WTIP: variants seen among roughly 807,000 people sequenced by gnomAD.
The protein encoded by WTIP is Wilms tumor protein 1-interacting protein.
Under a neutral mutation model 41.7 loss-of-function variants are expected in WTIP, and 23 were observed. The observed-to-expected ratio is 0.55, with a 90% CI of 0.40 to 0.78. The LOEUF (loss-of-function observed/expected upper bound fraction) is 0.78, where lower values mean the gene tolerates loss of function less well. WTIP is among the 30% of genes least tolerant of loss of function. WTIP has a pLI of 0.00. For missense variants in WTIP, 619 were observed against 610.5 expected (o/e 1.01, Z -0.15); for synonymous variants, 314 against 269.9 (o/e 1.16, Z -1.60).
At position 34,502,205 on chromosome 19, in the gene WTIP, C is replaced by T. The variant is rs1055342559; in HGVS notation, c.*1936C>T. On this transcript the variant is annotated 3_prime_UTR_variant, in exon 8 of 8. Transcript: ENST00000590071. ...CTGACCTCAGGGGCGATCCACCCAC[C>T]TCAGCCTCCCAAAGTGCTGGGATTA... The T allele has an allele frequency of 2.7e-5, 4 of 150,746 alleles. No homozygotes were observed. Among genetic ancestry groups the T allele is most frequent in the Non-Finnish European group, 4.4e-5 (3 of 68,030 alleles). The allele number at this position is 150,746 out of a possible 1,614,324, so 9.3% of individuals were successfully genotyped here.
chr19:34,485,907 CT>C (rs2075794711), intron 1 of WTIP, among the ~76,000 whole-genome samples: 1 of 152,076 alleles, frequency 6.6e-6, no homozygotes, highest in East Asian at 1.9e-4. Context: ...CTTTTTTTCT[CT>C]CTGTCCAACC....
At position 34,509,683 on chromosome 19, in the gene WTIP, T is replaced by C. The variant is rs975978031; in HGVS notation, c.*9414T>C. The C allele has an allele frequency of 4.6e-5, 7 of 152,190 alleles. No homozygotes were observed. The highest frequency in any genetic ancestry group is 1.0e-4 in the Non-Finnish European group (7 of 68,032). 9.4% of individuals were successfully genotyped at this position (152,190 alleles called of 1,614,324 possible). ...CCCAAATCCAGAGTCCAAAGTCTAA[T>C]CTGAGACAAGGCAAGGCCCTTCCAC... On this transcript the variant is annotated 3_prime_UTR_variant, in exon 8 of 8. Transcript: ENST00000590071.
chr19:34,486,371 T>G lies in WTIP; in HGVS notation c.667+3730T>G, dbSNP rs868357067. Among the ~76,000 whole-genome samples the G allele has an allele frequency of 1.3e-5, 2 of 150,930 alleles. 1 individual carries two copies. Among genetic ancestry groups the G allele is most frequent in the South Asian group, 4.2e-4 (2 of 4,786 alleles). On this transcript the variant is annotated intron_variant, in intron 1 of 7. Coordinates refer to ENST00000590071, the MANE Select transcript of WTIP (RefSeq NM_001080436.2). ...CACCCTAAGCCTTTGTCAGTTTGTT[T>G]TTTTTTTTTTTTTGAGACAGAGTTT...
chr19:34,487,482 G>A (rs900970147), intron 1 of WTIP, among the ~76,000 whole-genome samples: 1 of 152,110 alleles, frequency 6.6e-6, no homozygotes, highest in Non-Finnish European at 1.5e-5. Context: ...GGGCAGAGCA[G>A]GGGGTACCCA....
rs764706839 is a variant in WTIP, at chr19:34,510,659, T to C, written c.*10390T>C. On this transcript the variant is annotated 3_prime_UTR_variant, in exon 8 of 8. Coordinates refer to ENST00000590071, the MANE Select transcript of WTIP (RefSeq NM_001080436.2). ...TTTACTGCATCGTCAGGCTGCAAAT[T>C]TTCCAATTTTTTATGCTCTGTTTCC... 1.3e-5 allele frequency: 2 copies of C among 152,230 alleles called. No homozygotes were observed. The highest frequency in any genetic ancestry group is 2.9e-5 in the Non-Finnish European group (2 of 68,038). The allele number at this position is 152,230 out of a possible 1,614,324, so 9.4% of individuals were successfully genotyped here.
rs1226195572 is a variant in WTIP, at chr19:34,493,922, C to T, written c.1031+300C>T. On this transcript the variant is annotated intron_variant, in intron 5 of 7. Coordinates refer to ENST00000590071, the MANE Select transcript of WTIP (RefSeq NM_001080436.2). This position sits in a 1 kb window ranked among gnomAD's most constrained non-coding sequence, Gnocchi z 4.1. ...CACCATCTTTCCCCCTCCTCCCCTC[C>T]ATCCCCTGCCAGGCCAGGCCTCTTT... is the stretch of plus-strand genomic sequence containing the variant. Among the ~76,000 whole-genome samples the T allele has an allele frequency of 6.6e-6, 1 of 152,188 alleles. No homozygotes were observed. The highest frequency in any genetic ancestry group is 1.9e-4 in the East Asian group (1 of 5,184).
At chr19:34,492,772 C>T (rs1463309094) in intron 2 of WTIP, among the ~76,000 whole-genome samples, 4 of 151,326 alleles carry the variant, frequency 2.6e-5, no homozygotes, top group Non-Finnish European at 4.4e-5. Flanking sequence ...TATTAACCAA[C>T]ACATGTATTT....
At chr19:34,482,917 C>T (rs536124342) in intron 1 of WTIP, among the ~76,000 whole-genome samples, 13 of 151,958 alleles carry the variant, frequency 8.6e-5, no homozygotes, top group Middle Eastern at 3.4e-3. Context: ...TGTGCGGTTC[C>T]TAACTTAACA....
At position 34,493,243 on chromosome 19, in the gene WTIP, G is replaced by A; in HGVS notation, c.838-20G>A. 1.9e-6 allele frequency: 3 copies of A among 1,613,624 alleles called. No individual in the cohort carries two copies. The highest frequency in any genetic ancestry group is 1.6e-4 in the Middle Eastern group (1 of 6,062). On this transcript the variant is annotated intron_variant, in intron 3 of 7. Transcript: ENST00000590071. The surrounding 1 kb of genome is among the most constrained non-coding windows in gnomAD (Gnocchi z 4.1). ...TGCCCCTTTGTCACACAATGTCCTG[G>A]ATCCTGTGTCCCCTCCCAGTACTCC...
In WTIP at chr19:34,482,181, G is replaced by A; in HGVS notation, c.207G>A (p.Gly69=). 9.1e-7 allele frequency: 1 copy of A among 1,097,446 alleles called. No individual in the cohort carries two copies. The highest frequency in any genetic ancestry group is 4.0e-4 in the Middle Eastern group (1 of 2,484). The allele number at this position is 1,097,446 out of a possible 1,614,324, so 68.0% of individuals were successfully genotyped here. A position where few individuals can be genotyped will look rare whatever the true frequency, so the allele number is the denominator to read the frequency against. The change falls in exon 1 of 8, where the codon GGG becomes GGA. Residue 69 remains glycine (G), a synonymous_variant. Coordinates refer to ENST00000590071, the MANE Select transcript of WTIP (RefSeq NM_001080436.2). ...CCGGGGCGGACGGACTGAGCCGCGG[G>A]GAGCGGGGTCCCCGGCGCGCGGCGG... is the stretch of plus-strand genomic sequence containing the variant. ...PEAGADGLSR[G]ERGPRRAAVP... is the part of the protein sequence containing the mutation.
At chr19:34,499,377 G>T (rs1285355437) in intron 7 of WTIP, among the ~76,000 whole-genome samples, 2 of 149,940 alleles carry the variant, frequency 1.3e-5, no homozygotes, top group Non-Finnish European at 3.0e-5. Context: ...GCGTGGCAGG[G>T]TGCGCCAGTG....
Position 34,493,271 on chromosome 19 carries a change from G to C in WTIP, c.846G>C (p.Gly282=). The C allele has an allele frequency of 6.2e-7, 1 of 1,613,702 alleles. No individual in the cohort carries two copies. Among genetic ancestry groups the C allele is most frequent in the Non-Finnish European group, 8.5e-7 (1 of 1,179,818 alleles). ...CCTGTGTCCCCTCCCAGTACTCCGGGTTCCAGCAGACGGCCGACAAATGCA... is the reference window on the plus strand; with the variant it reads ...CCTGTGTCCCCTCCCAGTACTCCGGCTTCCAGCAGACGGCCGACAAATGCA... The part of the protein sequence containing the change: ...VYCQEDFLYS[G]FQQTADKCSV... Residue 282 remains glycine, a synonymous_variant, in exon 4 of 8, where the codon GGG becomes GGC. Transcript: ENST00000590071. The surrounding 1 kb of genome is among the most constrained non-coding windows in gnomAD (Gnocchi z 4.1).
chr19:34,502,822 G>T lies in WTIP; in HGVS notation c.*2553G>T. The stretch of plus-strand genomic sequence containing the variant: ...GCCCACCTTGGCCTCCCAGAGTGTT[G>T]GGATTACAGGCTTGAGCCACCGTGC... On this transcript the variant is annotated 3_prime_UTR_variant, in exon 8 of 8. Coordinates refer to ENST00000590071, the MANE Select transcript of WTIP (RefSeq NM_001080436.2). The T allele has an allele frequency of 6.6e-6, 1 of 152,394 alleles. No individual in the cohort carries two copies. The highest frequency in any genetic ancestry group is 1.5e-5 in the Non-Finnish European group (1 of 68,112). The allele number at this position is 152,394 out of a possible 1,614,324, so 9.4% of individuals were successfully genotyped here.
At position 34,483,183 on chromosome 19, in the gene WTIP, CTTTT is replaced by C. The variant is rs10611262; in HGVS notation, c.667+560_667+563del. Among the ~76,000 whole-genome samples, 316 of 102,584 alleles carry C rather than the reference CTTTT, an allele frequency of 3.1e-3. 1 individual carries two copies. Among genetic ancestry groups the C allele is most frequent in the South Asian group, 0.026 (83 of 3,154 alleles). The allele number at this position is 102,584 out of a possible 152,430, so 67.3% of individuals were successfully genotyped here. On this transcript the variant is annotated intron_variant, in intron 1 of 7. Coordinates refer to ENST00000590071, the MANE Select transcript of WTIP (RefSeq NM_001080436.2). The stretch of plus-strand genomic sequence containing the variant: ...CCATGCCCAGCTTTTCTTCTTCTTA[CTTTT>C]TTTTTTTTTTTTTTTTTGTAGAGAC...
intron 1 of WTIP, among the ~76,000 whole-genome samples, chr19:34,488,322 C>T (rs12151187): frequency 0.43 from 65,369 of 151,898 alleles, 17,230 homozygotes; most frequent in Non-Finnish European, 0.59. Context: ...GATCCACCCA[C>T]CTCGGCCTCC....
intron 6 of WTIP, 126 bp downstream of exon 6, chr19:34,494,763 T>C (rs2145604760): frequency 1.1e-6 from 1 of 948,472 alleles, no homozygotes; most frequent in Non-Finnish European, 1.6e-6. Context: ...TCCGCAGATC[T>C]TTCAGGGCTG....
intron 7 of WTIP, among the ~76,000 whole-genome samples, chr19:34,496,373 G>A (rs2075853669): frequency 6.6e-6 from 1 of 152,140 alleles, no homozygotes; most frequent in Non-Finnish European, 1.5e-5. Flanking sequence ...GTTTCATCAT[G>A]TTACCCAGGC....
chr19:34,484,666 G>A lies in WTIP; in HGVS notation c.667+2025G>A, dbSNP rs372200351. Among the ~76,000 whole-genome samples the A allele has an allele frequency of 3.2e-3, 490 of 152,272 alleles. 3 individuals are homozygous for A. The highest frequency in any genetic ancestry group is 0.012 in the South Asian group (59 of 4,824). ...AGAGCCCGGGGGAGGGGGGTGTTCTGTAGACACCCCTGAATCTTTATATGA... is the reference window on the plus strand; with the variant it reads ...AGAGCCCGGGGGAGGGGGGTGTTCTATAGACACCCCTGAATCTTTATATGA... On this transcript the variant is annotated intron_variant, in intron 1 of 7. Transcript: ENST00000590071.
rs2075917661 is a variant in WTIP at position 34,507,554 on chromosome 19, C to T, written c.*7285C>T. On this transcript the variant is annotated 3_prime_UTR_variant, in exon 8 of 8. Coordinates refer to ENST00000590071, the MANE Select transcript of WTIP (RefSeq NM_001080436.2). ...CTCTAGGGTTCACGGGGATCCTTCT[C>T]ATCCTCTTCTAGGTACCAGGTTCCA... 1 of 152,186 alleles carries T rather than the reference C, an allele frequency of 6.6e-6. No individual in the cohort carries two copies. The highest frequency in any genetic ancestry group is 1.5e-5 in the Non-Finnish European group (1 of 68,078). The allele number at this position is 152,186 out of a possible 1,614,324, so 9.4% of individuals were successfully genotyped here.
Sources: allele counts gnomAD v4.1 joint callset (sites outside exome capture counted in the v4.1 genomes callset), GRCh38; gene constraint gnomAD v4.1.1; non-coding constraint Gnocchi (gnomAD v3.1); transcripts MANE v1.5; gene names NCBI Gene and HGNC (gene_info 2026-07-23, HGNC 2026-07-21).